Variants in DCC observed in about 807,000 individuals in gnomAD.
DCC encodes the protein DCC netrin 1 receptor.
A neutral mutation model predicts 172.5 loss-of-function variants in DCC; 58 were observed. That is an observed-to-expected ratio of 0.34 (90% CI 0.27 to 0.42). The LOEUF (loss-of-function observed/expected upper bound fraction) is 0.42, where lower values mean the gene tolerates loss of function less well. DCC is among the 10% of genes least tolerant of loss of function. The probability of loss-of-function intolerance (pLI) is 1.00; values close to 1 mark genes in which losing one functional copy is unlikely to be tolerated. For missense variants in DCC, 1,740 were observed against 1,791.0 expected, an observed-to-expected ratio of 0.97 and a Z score of 0.51; for synonymous variants, 709 against 644.5, an observed-to-expected ratio of 1.10 and a Z score of -1.52.
At chr18:52,468,582 T>TTTGC (rs1988855851) in intron 1 of DCC, among the ~76,000 whole-genome samples, 1 of 152,228 alleles carries the variant, frequency 6.6e-6, no homozygotes, top group Non-Finnish European at 1.5e-5. Flanking sequence ...GGCTTATTAA[T>TTTGC]AGTTAATATG....
chr18:52,853,744 G>C (rs539131479), intron 2 of DCC, among the ~76,000 whole-genome samples: 55 of 152,258 alleles, frequency 3.6e-4, no homozygotes, highest in African/African-American at 1.1e-3. Context: ...CCTAGGTCAG[G>C]GACCAAGACC....
chr18:52,564,487 C>T (rs919858010), intron 1 of DCC, among the ~76,000 whole-genome samples: 5 of 151,916 alleles, frequency 3.3e-5, no homozygotes, highest in African/African-American at 1.2e-4. Flanking sequence ...ATAATTTTGT[C>T]CTCTAGGTTT....
intron 1 of DCC, among the ~76,000 whole-genome samples, chr18:52,619,157 C>A (rs1482690087): frequency 1.3e-5 from 2 of 152,134 alleles, no homozygotes; most frequent in African/African-American, 4.8e-5. Flanking sequence ...AGGCTGGTCT[C>A]AAACTCCTGA....
At chr18:53,238,747 GA>G (rs983323604) in intron 12 of DCC, among the ~76,000 whole-genome samples, 1 of 152,068 alleles carries the variant, frequency 6.6e-6, no homozygotes, top group African/African-American at 2.4e-5. Context: ...AAGTGAAATT[GA>G]AAAATGCTGT....
chr18:52,493,298 A>G (rs2030596437), intron 1 of DCC, among the ~76,000 whole-genome samples: 1 of 152,062 alleles, frequency 6.6e-6, no homozygotes, highest in African/African-American at 2.4e-5. Flanking sequence ...AAGTAACATG[A>G]CCAGAGTCAA....
At chr18:52,390,569 G>T (rs1313778408) in intron 1 of DCC, among the ~76,000 whole-genome samples, 1 of 152,116 alleles carries the variant, frequency 6.6e-6, no homozygotes, top group Non-Finnish European at 1.5e-5. Context: ...TTGCTGATGA[G>T]TGGAATGGCT....
At chr18:52,670,901 C>T (rs777712185) in intron 1 of DCC, among the ~76,000 whole-genome samples, 1 of 151,986 alleles carries the variant, frequency 6.6e-6, no homozygotes, top group Non-Finnish European at 1.5e-5. Flanking sequence ...TCTCTGTAAA[C>T]ATTATGCTAA....
chr18:53,368,049 T>C (rs375837741), intron 15 of DCC, among the ~76,000 whole-genome samples: 45 of 152,304 alleles, frequency 3.0e-4, no homozygotes, highest in African/African-American at 1.0e-3. Context: ...CCACAAGCAG[T>C]GCACAAGGGT....
chr18:53,020,391 A>G (rs1295033299), intron 5 of DCC, among the ~76,000 whole-genome samples: 2 of 152,166 alleles, frequency 1.3e-5, no homozygotes, highest in Non-Finnish European at 2.9e-5. Flanking sequence ...TTCTCTGAAA[A>G]TATTTATAAT....
intron 1 of DCC, among the ~76,000 whole-genome samples, chr18:52,451,091 T>C (rs1490728383): frequency 6.6e-6 from 1 of 152,156 alleles, no homozygotes; most frequent in Non-Finnish European, 1.5e-5. Context: ...ACTGTGGGCA[T>C]GTTGTGAGGC....
At chr18:52,400,109 A>G (rs1986380586) in intron 1 of DCC, among the ~76,000 whole-genome samples, 1 of 152,018 alleles carries the variant, frequency 6.6e-6, no homozygotes. Flanking sequence ...ATAGCAATTC[A>G]TAGCTCAACC....
intron 1 of DCC, among the ~76,000 whole-genome samples, chr18:52,543,767 T>G (rs2032531890): frequency 6.6e-6 from 1 of 152,074 alleles, no homozygotes; most frequent in Admixed American, 6.6e-5. Context: ...GACAAAAACT[T>G]AAATAGAGAG....
chr18:52,763,599 ATTTG>A (rs1486117878), intron 2 of DCC, among the ~76,000 whole-genome samples: 3 of 152,306 alleles, frequency 2.0e-5, no homozygotes, highest in Admixed American at 1.3e-4. Context: ...AATATCTGGG[ATTTG>A]TTTATTTGTT....
At chr18:52,655,703 A>G (rs2035230482) in intron 1 of DCC, among the ~76,000 whole-genome samples, 1 of 152,178 alleles carries the variant, frequency 6.6e-6, no homozygotes, top group Non-Finnish European at 1.5e-5. Context: ...AATAAAAGCC[A>G]TAAAATTTTT....
chr18:53,529,056 A>T (rs986262560), intron 28 of DCC, among the ~76,000 whole-genome samples: 219 of 150,472 alleles, frequency 1.5e-3, no homozygotes, highest in African/African-American at 4.9e-3. Flanking sequence ...ACACACACAC[A>T]CACACACACA....
chr18:53,087,640 C>A (rs1163325264), intron 7 of DCC, among the ~76,000 whole-genome samples: 2 of 152,166 alleles, frequency 1.3e-5, no homozygotes, highest in Non-Finnish European at 2.9e-5. Flanking sequence ...GCTTTTGTTG[C>A]CATTGTTTTT....
At chr18:52,922,810 G>C (rs1386844837) in intron 3 of DCC, among the ~76,000 whole-genome samples, 1 of 152,122 alleles carries the variant, frequency 6.6e-6, no homozygotes, top group Non-Finnish European at 1.5e-5. Flanking sequence ...AAGGTAAATA[G>C]AAGCTCTTAA....
intron 1 of DCC, among the ~76,000 whole-genome samples, chr18:52,376,736 A>G (rs1598874115): frequency 6.6e-6 from 1 of 152,154 alleles, no homozygotes; most frequent in Non-Finnish European, 1.5e-5. Flanking sequence ...CGTCATCTCT[A>G]TTAATTATAT....
chr18:53,028,152 G>C (rs531454614), intron 5 of DCC, among the ~76,000 whole-genome samples: 3 of 152,052 alleles, frequency 2.0e-5, no homozygotes, highest in African/African-American at 7.2e-5. Flanking sequence ...TTGCCTACAT[G>C]GGCACGTTCA....
Sources: allele counts gnomAD v4.1 joint callset (sites outside exome capture counted in the v4.1 genomes callset), GRCh38; gene constraint gnomAD v4.1.1; transcripts MANE v1.5; gene names NCBI Gene and HGNC (gene_info 2026-07-23, HGNC 2026-07-21).